The following TBC1D21 variants were observed in gnomAD, a reference collection of about 807,000 sequenced individuals.
The protein encoded by TBC1D21 is male germ cell Rab GTPase-activating protein.
Under a neutral mutation model 46.0 loss-of-function variants are expected in TBC1D21, and 38 were observed. The ratio of observed to expected loss-of-function variants is 0.83; its 90% CI spans 0.64 to 1.08. TBC1D21 has a LOEUF of 1.08. Among genes scored for constraint, TBC1D21 ranks in the 50% least tolerant of loss-of-function variants. The pLI is 0.00. For missense variants in TBC1D21, 415 were observed against 417.9 expected, an observed-to-expected ratio of 0.99 and a Z score of 0.06; for synonymous variants, 151 against 157.2, an observed-to-expected ratio of 0.96 and a Z score of 0.29.
chr15:73,909,480 C>G, the TBC1D21 span, among the ~76,000 whole-genome samples: 1 of 152,148 alleles, frequency 6.6e-6, no homozygotes, highest in Non-Finnish European at 1.5e-5. Flanking sequence ...ACGGGCTTCA[C>G]GAGAGATGAA....
Position 73,873,779 on chromosome 15 carries a change from C to T in TBC1D21, c.60+10C>T, listed in dbSNP as rs749527582. 1.2e-6 allele frequency: 2 copies of T among 1,608,456 alleles called. No homozygotes were observed. Among genetic ancestry groups the T allele is most frequent in the South Asian group, 1.1e-5 (1 of 89,914 alleles). On this transcript the variant is annotated intron_variant, in intron 1 of 10. Transcript: ENST00000300504. ...AGCCTCCTTCATCCTGGTGCGTGTTCTTTGTCAGCTCTGAGTGCCTCCCTC... is the reference window on the plus strand; with the variant it reads ...AGCCTCCTTCATCCTGGTGCGTGTTTTTTGTCAGCTCTGAGTGCCTCCCTC...
At chr15:73,875,582 C>A (rs1213650665) in intron 1 of TBC1D21, among the ~76,000 whole-genome samples, 1 of 152,266 alleles carries the variant, frequency 6.6e-6, no homozygotes, top group African/African-American at 2.4e-5. Context: ...AGGGACTGAG[C>A]CACTTAGGGC....
At position 73,873,726 on chromosome 15, in the gene TBC1D21, C is replaced by T; in HGVS notation, c.17C>T (p.Pro6Leu). The change falls in exon 1 of 11, where the codon CCT becomes CTT. Residue 6 changes from proline to leucine, a missense_variant. Coordinates refer to ENST00000300504, the MANE Select transcript of TBC1D21 (RefSeq NM_153356.3). ...GCAGGGGCCATGACCACCCTCTCTCCTGAAAACAGCCTCTCTGCCAGACAG... is the reference window on the plus strand; with the variant it reads ...GCAGGGGCCATGACCACCCTCTCTCTTGAAAACAGCCTCTCTGCCAGACAG... The part of the protein sequence containing the change: MTTLS[P>L]ENSLSARQSA... The T allele has an allele frequency of 6.2e-7, 1 of 1,608,424 alleles. No homozygotes were observed. Among genetic ancestry groups the T allele is most frequent in the Non-Finnish European group, 8.5e-7 (1 of 1,176,860 alleles).
At chr15:73,898,195 G>T in the TBC1D21 span, among the ~76,000 whole-genome samples, 1 of 152,336 alleles carries the variant, frequency 6.6e-6, no homozygotes, top group East Asian at 1.9e-4. Context: ...TGCTTCACCA[G>T]CAGGGAACTG....
intron 1 of TBC1D21, among the ~76,000 whole-genome samples, chr15:73,879,424 G>C (rs1387939667): frequency 1.3e-5 from 2 of 152,002 alleles, no homozygotes; most frequent in Non-Finnish European, 2.9e-5. Context: ...TATCATGTTG[G>C]CCAGGCTGGT....
At chr15:73,898,000 G>A in the TBC1D21 span, among the ~76,000 whole-genome samples, 772 of 152,298 alleles carry the variant, frequency 5.1e-3, 10 homozygotes, top group African/African-American at 0.018. Flanking sequence ...GTGTAGTTCC[G>A]TGTGATTCAC....
At chr15:73,906,253 G>A in the TBC1D21 span, among the ~76,000 whole-genome samples, 1 of 152,204 alleles carries the variant, frequency 6.6e-6, no homozygotes, top group Non-Finnish European at 1.5e-5. Context: ...GAAGGAGCTG[G>A]GTAGGCAAAT....
chr15:73,898,334 G>C, the TBC1D21 span, among the ~76,000 whole-genome samples: 2 of 152,184 alleles, frequency 1.3e-5, no homozygotes. Flanking sequence ...TGGAATCAGA[G>C]GCCTCCTCCG....
At chr15:73,906,472 T>G in the TBC1D21 span, among the ~76,000 whole-genome samples, 93,187 of 151,954 alleles carry the variant, frequency 0.61, 29,041 homozygotes, top group East Asian at 0.96. Context: ...GTGGTGGCAG[T>G]TTGGAAAGAA....
the TBC1D21 span, among the ~76,000 whole-genome samples, chr15:73,904,381 A>T: frequency 3.3e-5 from 5 of 152,248 alleles, no homozygotes; most frequent in Admixed American, 2.6e-4. Flanking sequence ...GCACTGGCTC[A>T]AAAGAATGAA....
At position 73,881,723 on chromosome 15, in the gene TBC1D21, GGCTCACGGTGGACA is replaced by G; in HGVS notation, c.251_264del (p.Leu84HisfsTer14). On this transcript the variant is annotated frameshift_variant, in exon 3 of 11. Transcript: ENST00000300504. LOFTEE classifies it high-confidence loss of function. ...TCATGGCAGAGTTCCCAGGATGAGC[GGCTCACGGTGGACA>G]GCATGAGGAGGTAGAACACTCCAGA... 6.2e-7 allele frequency: 1 copy of G among 1,613,832 alleles called. No homozygotes were observed. Among genetic ancestry groups the G allele is most frequent in the Non-Finnish European group, 8.5e-7 (1 of 1,179,938 alleles).
rs143098427 is a variant in TBC1D21 at position 73,884,030 on chromosome 15, T to C, written c.273-121T>C. Reference sequence around the variant, plus strand: ...ATGAGGGACAGCATCACAGGTAGGGTGCATGGCTGGGTGAGGGTGCTGCCC... The same window carrying C: ...ATGAGGGACAGCATCACAGGTAGGGCGCATGGCTGGGTGAGGGTGCTGCCC... On this transcript the variant is annotated intron_variant, in intron 3 of 10. Transcript: ENST00000300504. 997 of 783,230 alleles carry C rather than the reference T, an allele frequency of 1.3e-3. 5 individuals carry two copies. The African/African-American group carries it at 0.015, about 12-fold the overall frequency. 48.5% of individuals were successfully genotyped at this position (783,230 alleles called of 1,614,324 possible). A position where few individuals can be genotyped will look rare whatever the true frequency, so the allele number is the denominator to read the frequency against.
chr15:73,896,716 C>G, the TBC1D21 span, among the ~76,000 whole-genome samples: 2 of 152,308 alleles, frequency 1.3e-5, no homozygotes, highest in African/African-American at 2.4e-5. Flanking sequence ...CCAGACTTCT[C>G]TCTCCTTGGC....
the TBC1D21 span, among the ~76,000 whole-genome samples, chr15:73,900,806 A>T: frequency 3.3e-5 from 5 of 152,250 alleles, no homozygotes; most frequent in African/African-American, 1.2e-4. Context: ...GCGAAGAGGC[A>T]TCAGGCAGAC....
the TBC1D21 span, among the ~76,000 whole-genome samples, chr15:73,904,516 CAA>C: frequency 6.0e-4 from 92 of 152,190 alleles, 1 homozygote; most frequent in Non-Finnish European, 1.2e-3. Context: ...TCATTTTCTT[CAA>C]AGAGTGACCA....
the TBC1D21 span, among the ~76,000 whole-genome samples, chr15:73,906,235 G>A: frequency 6.6e-6 from 1 of 152,212 alleles, no homozygotes; most frequent in Non-Finnish European, 1.5e-5. Context: ...CCTTTGTGCT[G>A]CCATCTTGAA....
At chr15:73,885,393 C>T (rs1252850991) in intron 6 of TBC1D21, among the ~76,000 whole-genome samples, 5 of 152,148 alleles carry the variant, frequency 3.3e-5, no homozygotes, top group Non-Finnish European at 7.4e-5. Context: ...CTGGCATTTT[C>T]TTCCCCAAGC....
chr15:73,874,506 TA>T (rs778450143), intron 1 of TBC1D21, among the ~76,000 whole-genome samples: 29 of 152,256 alleles, frequency 1.9e-4, no homozygotes, highest in Non-Finnish European at 2.2e-4. Context: ...ATGAAGTGAA[TA>T]ATGCTGTTGT....
chr15:73,887,744 C>T lies in TBC1D21; in HGVS notation c.894+8C>T, dbSNP rs767131808. The stretch of plus-strand genomic sequence containing the variant: ...GGGGATGACATCCTCCTGGTGAGAG[C>T]ACCCTCGGGCAAGCTACCACCCCTG... On this transcript the variant is annotated splice_region_variant and intron_variant, in intron 9 of 10. Coordinates refer to ENST00000300504, the MANE Select transcript of TBC1D21 (RefSeq NM_153356.3). The T allele has an allele frequency of 1.8e-5, 29 of 1,609,582 alleles. No homozygotes were observed. The highest frequency in any genetic ancestry group is 2.2e-5 in the Non-Finnish European group (26 of 1,177,114).
Sources: allele counts gnomAD v4.1 joint callset (sites outside exome capture counted in the v4.1 genomes callset), GRCh38; gene constraint gnomAD v4.1.1; transcripts MANE v1.5; gene names NCBI Gene and HGNC (gene_info 2026-07-23, HGNC 2026-07-21).